Variants in KIAA0513 observed in about 807,000 individuals in gnomAD.
KIAA0513 encodes uncharacterized protein KIAA0513.
KIAA0513 carries 39 observed loss-of-function variants against 56.5 expected under a neutral mutation model. The ratio of observed to expected loss-of-function variants is 0.69; its 90% CI spans 0.53 to 0.90. The LOEUF is 0.90. Ranked by LOEUF, KIAA0513 falls within the 40% of genes least tolerant of loss-of-function variation. The pLI, the probability that KIAA0513 is intolerant of heterozygous loss-of-function variation, is 0.00. For missense variants in KIAA0513, 591 were observed against 535.2 expected, an observed-to-expected ratio of 1.10 and a Z score of -1.03; for synonymous variants, 268 against 215.6, an observed-to-expected ratio of 1.24 and a Z score of -2.13.
At chr16:85,029,763 C>T (rs927358099) in intron 1 of KIAA0513, among the ~76,000 whole-genome samples, 1 of 152,194 alleles carries the variant, frequency 6.6e-6, no homozygotes, top group African/African-American at 2.4e-5. Context: ...CATGCAAAGG[C>T]AGGAGTAAAA....
intron 1 of KIAA0513, among the ~76,000 whole-genome samples, chr16:85,050,574 C>G (rs960826153): frequency 2.6e-5 from 4 of 152,120 alleles, no homozygotes; most frequent in African/African-American, 9.7e-5. Context: ...CCTCGGCTTC[C>G]CAAAGTGCTA....
chr16:85,059,631 C>A (rs1348087553), intron 1 of KIAA0513, among the ~76,000 whole-genome samples: 2 of 152,178 alleles, frequency 1.3e-5, no homozygotes, highest in Admixed American at 1.3e-4. Flanking sequence ...AATAATACTG[C>A]CTCAGTGGTG....
chr16:85,073,813 G>T (rs552064108), intron 4 of KIAA0513, among the ~76,000 whole-genome samples: 3 of 152,248 alleles, frequency 2.0e-5, no homozygotes, highest in African/African-American at 4.8e-5. Context: ...TGGGCCCCAC[G>T]TCCCCTCCTG....
chr16:85,074,161 G>A lies in KIAA0513; in HGVS notation c.503+1163G>A, dbSNP rs1474315816. On this transcript the variant is annotated intron_variant, in intron 4 of 12. Coordinates refer to ENST00000683363, the MANE Select transcript of KIAA0513 (RefSeq NM_001388359.1). ...AGCTAATTTTTGTATTTTTAGTAGA[G>A]ACAGGGTTTCACCATGTCGGCCAGG... Among the ~76,000 whole-genome samples the A allele has an allele frequency of 2.6e-5, 4 of 151,864 alleles. No homozygotes were observed. In the East Asian group the frequency reaches 7.7e-4, roughly 29 times the overall value.
In KIAA0513 at chr16:85,077,468, G is replaced by A. The variant is rs753555506; in HGVS notation, c.618G>A (p.Ala206=). Residue 206 remains alanine, a synonymous_variant, in exon 6 of 13, where the codon GCG becomes GCA. Transcript: ENST00000683363. ...CCCCGGAGTCCCGGGAGAAGCCCGC[G>A]GGCAGCATCGACTCCTACCTGAAAT... is the stretch of plus-strand genomic sequence containing the variant. ...LLPPESREKP[A]GSIDSYLKSA... The A allele has an allele frequency of 2.0e-5, 32 of 1,614,006 alleles. No individual in the cohort carries two copies. Among genetic ancestry groups the A allele is most frequent in the East Asian group, 1.8e-4 (8 of 44,862 alleles).
intron 2 of KIAA0513, among the ~76,000 whole-genome samples, chr16:85,069,608 C>T (rs984925431): frequency 6.6e-6 from 1 of 151,900 alleles, no homozygotes; most frequent in Non-Finnish European, 1.5e-5. Flanking sequence ...ACACACACCC[C>T]GGAGCCATGG....
In KIAA0513 at chr16:85,076,155, T is replaced by A. The variant is rs912240267; in HGVS notation, c.574+241T>A. 6.6e-6 allele frequency among the ~76,000 whole-genome samples: 1 copy of A among 151,900 alleles called. No homozygotes were observed. The highest frequency in any genetic ancestry group is 1.5e-5 in the Non-Finnish European group (1 of 67,960). On this transcript the variant is annotated intron_variant, in intron 5 of 12. Coordinates refer to ENST00000683363, the MANE Select transcript of KIAA0513 (RefSeq NM_001388359.1). The surrounding 1 kb of genome is among the most constrained non-coding windows in gnomAD (Gnocchi z 4.7). Reference sequence around the variant, plus strand: ...GGGGCAGTAGGTTGACTGACCAGGGTGCAAAGGAAACTCCTGAGCTGGTAG... The same window carrying A: ...GGGGCAGTAGGTTGACTGACCAGGGAGCAAAGGAAACTCCTGAGCTGGTAG...
Position 85,049,413 on chromosome 16 carries a change from G to A in KIAA0513, c.-172-17487G>A, listed in dbSNP as rs139761246. ...CCTCACCTACCTTGGGTTCTGATAC[G>A]GTTTGGTTCTGCGTCCCCACCCAAT... On this transcript the variant is annotated intron_variant, in intron 1 of 12. Transcript: ENST00000683363. Among the ~76,000 whole-genome samples, 82 of 152,318 alleles carry A rather than the reference G, an allele frequency of 5.4e-4. 1 individual carries two copies. The South Asian group carries it at 5.6e-3, about 10-fold the overall frequency.
At position 85,081,658 on chromosome 16, in the gene KIAA0513, G is replaced by T. The variant is rs564950039; in HGVS notation, c.980+266G>T. ...TCCTAAAAATGCAAACTCCCACTAA[G>T]ACCATCAGGACCCCTGCTGCTGGGC... On this transcript the variant is annotated intron_variant, in intron 9 of 12. Coordinates refer to ENST00000683363, the MANE Select transcript of KIAA0513 (RefSeq NM_001388359.1). The surrounding 1 kb of genome is among the most constrained non-coding windows in gnomAD (Gnocchi z 4.4). Among the ~76,000 whole-genome samples, 5 of 152,278 alleles carry T rather than the reference G, an allele frequency of 3.3e-5. No individual in the cohort carries two copies. Among genetic ancestry groups the T allele is most frequent in the African/African-American group, 9.6e-5 (4 of 41,560 alleles).
Position 85,081,412 on chromosome 16 carries a change from C to T in KIAA0513, c.980+20C>T. 6.4e-7 allele frequency: 1 copy of T among 1,551,094 alleles called. No homozygotes were observed. Among genetic ancestry groups the T allele is most frequent in the South Asian group, 1.2e-5 (1 of 84,296 alleles). ...TACCAGGTAGGAGCAAAGTGTGGCC[C>T]CATTTGGCCTCAGGAAAAAGGACCA... On this transcript the variant is annotated intron_variant, in intron 9 of 12. Coordinates refer to ENST00000683363, the MANE Select transcript of KIAA0513 (RefSeq NM_001388359.1). This position sits in a 1 kb window ranked among gnomAD's most constrained non-coding sequence, Gnocchi z 4.4.
chr16:85,047,153 C>A (rs997499974), intron 1 of KIAA0513, among the ~76,000 whole-genome samples: 1 of 152,182 alleles, frequency 6.6e-6, no homozygotes, highest in Non-Finnish European at 1.5e-5. Context: ...GTTTTGGTGC[C>A]GTTTTCCAAG....
At chr16:85,032,283 TCTC>T (rs1363759944) in intron 1 of KIAA0513, among the ~76,000 whole-genome samples, 7 of 152,156 alleles carry the variant, frequency 4.6e-5, no homozygotes, top group Non-Finnish European at 8.8e-5. Context: ...CTGCCTCTCT[TCTC>T]CTCTTAAAAG....
chr16:85,053,982 C>G (rs976519122), intron 1 of KIAA0513, among the ~76,000 whole-genome samples: 13 of 136,564 alleles, frequency 9.5e-5, no homozygotes, highest in African/African-American at 3.4e-4. Flanking sequence ...CAGAGCAAGA[C>G]TCTGTCTCAA....
At chr16:85,040,047 T>G (rs2143862120) in intron 1 of KIAA0513, among the ~76,000 whole-genome samples, 1 of 152,094 alleles carries the variant, frequency 6.6e-6, no homozygotes, top group South Asian at 2.1e-4. Flanking sequence ...TTGGCCAGGC[T>G]AGTCTCGAAC....
intron 1 of KIAA0513, among the ~76,000 whole-genome samples, chr16:85,061,995 C>T (rs923457878): frequency 6.6e-6 from 1 of 152,068 alleles, no homozygotes; most frequent in Non-Finnish European, 1.5e-5. Context: ...CTGCCTGGGT[C>T]ACCTTCAAGC....
intron 1 of KIAA0513, among the ~76,000 whole-genome samples, chr16:85,047,645 C>A (rs2073189871): frequency 6.6e-6 from 1 of 152,200 alleles, no homozygotes; most frequent in South Asian, 2.1e-4. Context: ...TGTGGAATTT[C>A]CTGGGGACCA....
chr16:85,045,076 C>T (rs929706484), intron 1 of KIAA0513, among the ~76,000 whole-genome samples: 2 of 152,052 alleles, frequency 1.3e-5, no homozygotes, highest in Admixed American at 1.3e-4. Flanking sequence ...TGAGATTGCA[C>T]CACTGCACTG....
intron 10 of KIAA0513, among the ~76,000 whole-genome samples, chr16:85,085,706 C>T (rs2073800317): frequency 6.6e-6 from 1 of 152,196 alleles, no homozygotes; most frequent in South Asian, 2.1e-4. Context: ...GTGGGGAGCC[C>T]CCTTGTTCTG....
chr16:85,064,413 A>T (rs2143996689), intron 1 of KIAA0513, among the ~76,000 whole-genome samples: 1 of 152,284 alleles, frequency 6.6e-6, no homozygotes, highest in Admixed American at 6.5e-5. Flanking sequence ...GTGTGTTTTG[A>T]ATTATTTTCT....
Sources: allele counts gnomAD v4.1 joint callset (sites outside exome capture counted in the v4.1 genomes callset), GRCh38; gene constraint gnomAD v4.1.1; non-coding constraint Gnocchi (gnomAD v3.1); transcripts MANE v1.5; gene names NCBI Gene and HGNC (gene_info 2026-07-23, HGNC 2026-07-21).